USP30: variants seen among roughly 807,000 people sequenced by gnomAD.
USP30 encodes ubiquitin carboxyl-terminal hydrolase 30.
USP30 carries 41 observed loss-of-function variants against 68.2 expected under a neutral mutation model. The observed-to-expected ratio is 0.60, with a 90% confidence interval of 0.47 to 0.78. The LOEUF (loss-of-function observed/expected upper bound fraction) is 0.78. USP30 is among the 30% of genes least tolerant of loss of function. The probability of loss-of-function intolerance (pLI) is 0.00; values close to 1 mark genes in which losing one functional copy is unlikely to be tolerated. For synonymous variants in USP30, 229 were observed against 253.7 expected, an observed-to-expected ratio of 0.90 and a Z score of 0.93; for missense variants, 522 against 649.4, an observed-to-expected ratio of 0.80 and a Z score of 2.13.
chr12:109,064,335 G>T (rs889020612), intron 3 of USP30, among the ~76,000 whole-genome samples: 1 of 152,182 alleles, frequency 6.6e-6, no homozygotes, highest in Non-Finnish European at 1.5e-5. Context: ...TGCAATCTCA[G>T]CTCACTGCAA....
chr12:109,049,319 T>C (rs1447737303), upstream of USP30, among the ~76,000 whole-genome samples: 1 of 152,136 alleles, frequency 6.6e-6, no homozygotes, highest in African/African-American at 2.4e-5. Context: ...AAATTCAATA[T>C]TGTTGTGTCT....
chr12:109,056,175 T>TTTGTTG (rs138193365), intron 1 of USP30, among the ~76,000 whole-genome samples: 176 of 151,394 alleles, frequency 1.2e-3, no homozygotes, highest in African/African-American at 4.1e-3. Context: ...TGACTTAGTT[T>TTTGTTG]TTGTTGTTGT....
chr12:109,072,215 A>T, intron 5 of USP30, 90 bp from the exon 6 acceptor site: 1 of 1,162,332 alleles, frequency 8.6e-7, no homozygotes, highest in Non-Finnish European at 1.3e-6. Flanking sequence ...TAATCAACGT[A>T]GAAACTTGTA....
chr12:109,081,616 C>G (rs2041797199), intron 8 of USP30: 1 of 555,010 alleles, frequency 1.8e-6, no homozygotes, highest in Admixed American at 3.7e-5. Flanking sequence ...CACACGCACG[C>G]ATGCGCGCAC....
chr12:109,062,192 C>T (rs112003965), intron 3 of USP30, among the ~76,000 whole-genome samples: 9,074 of 152,244 alleles, frequency 0.06, 366 homozygotes, highest in East Asian at 0.14. Context: ...GCCTCAGCCT[C>T]CCGTAGTGCT....
At chr12:109,056,840 C>T in intron 2 of USP30, 49 bp downstream of exon 2, 4 of 1,343,810 alleles carry the variant, frequency 3.0e-6, no homozygotes, top group Non-Finnish European at 4.1e-6. Flanking sequence ...ACCCAGATCC[C>T]TGTTATCTGA....
At chr12:109,061,969 G>A (rs919550726) in intron 3 of USP30, among the ~76,000 whole-genome samples, 2 of 151,786 alleles carry the variant, frequency 1.3e-5, no homozygotes, top group Non-Finnish European at 2.9e-5. Flanking sequence ...TTGGAGACAG[G>A]GTCTCACCCA....
intron 3 of USP30, among the ~76,000 whole-genome samples, chr12:109,042,782 A>G (rs903737466): frequency 1.3e-5 from 2 of 152,196 alleles, no homozygotes; most frequent in African/African-American, 4.8e-5. Context: ...CATAAAAGGC[A>G]TCCAAATCAG....
At chr12:109,053,850 C>T in intron 1 of USP30, 1 of 323,228 alleles carries the variant, frequency 3.1e-6, no homozygotes, top group Middle Eastern at 4.1e-4. Flanking sequence ...TCTCTCCCAT[C>T]CCCTTGACAC....
chr12:109,085,603 G>T, intron 12 of USP30, 64 bp from the exon 13 acceptor site: 3 of 1,579,494 alleles, frequency 1.9e-6, no homozygotes, highest in Non-Finnish European at 1.7e-6. Flanking sequence ...GCATTCTTTT[G>T]TTTTTGCCTA....
upstream of USP30, among the ~76,000 whole-genome samples, chr12:109,048,489 T>C (rs1281562919): frequency 6.6e-6 from 1 of 151,762 alleles, no homozygotes; most frequent in Non-Finnish European, 1.5e-5. Context: ...GGGGGTCACT[T>C]GTGGGCAGTG....
At chr12:109,039,466 A>C (rs942772970) in intron 3 of USP30, among the ~76,000 whole-genome samples, 2 of 152,180 alleles carry the variant, frequency 1.3e-5, no homozygotes, top group Admixed American at 6.6e-5. Context: ...CATCTGTAAA[A>C]TGGCACTAAT....
chr12:109,055,969 C>T lies in USP30; in HGVS notation c.84-713C>T, dbSNP rs145654798. Among the ~76,000 whole-genome samples, 125 of 152,060 alleles carry T rather than the reference C, an allele frequency of 8.2e-4. No individual in the cohort carries two copies. In the South Asian group the frequency reaches 0.017, roughly 20 times the overall value. Reference sequence around the variant, plus strand: ...ATGTTCAGGTAGGCCTCTTGAGAAGCGAAGGGAGGTAAAGGAGTGAGCCAA... The same window carrying T: ...ATGTTCAGGTAGGCCTCTTGAGAAGTGAAGGGAGGTAAAGGAGTGAGCCAA... On this transcript the variant is annotated intron_variant, in intron 1 of 12. Coordinates refer to ENST00000257548, the MANE Select transcript of USP30 (RefSeq NM_032663.5).
intron 1 of USP30, chr12:109,024,654 C>T (rs2040431623): frequency 6.6e-6 from 1 of 152,032 alleles, no homozygotes; most frequent in African/African-American, 2.4e-5. Flanking sequence ...GAGTCTCGCT[C>T]TGTCTCCCAG....
At position 109,056,845 on chromosome 12, in the gene USP30, A is replaced by G. The variant is rs2040893035; in HGVS notation, c.193+54A>G. On this transcript the variant is annotated intron_variant, in intron 2 of 12. Transcript: ENST00000257548. ...TGTAGACTTGACCCAGATCCCTGTT[A>G]TCTGAAAACAGTACAAAGAAGGTGG... is the stretch of plus-strand genomic sequence containing the variant. 3 of 1,291,162 alleles carry G rather than the reference A, an allele frequency of 2.3e-6. No homozygotes were observed. In the East Asian group the frequency reaches 7.4e-5, roughly 32 times the overall value. 80.0% of individuals were successfully genotyped at this position (1,291,162 alleles called of 1,614,324 possible).
At chr12:109,037,494 T>A (rs1406321781) in intron 3 of USP30, among the ~76,000 whole-genome samples, 1 of 152,224 alleles carries the variant, frequency 6.6e-6, no homozygotes. Context: ...GTCATTATTT[T>A]TTATTGAATG....
intron 3 of USP30, among the ~76,000 whole-genome samples, chr12:109,067,077 C>T (rs1332567496): frequency 6.6e-6 from 1 of 151,002 alleles, no homozygotes; most frequent in African/African-American, 2.4e-5. Context: ...TGAAAAATAC[C>T]TAATTCTAAG....
At chr12:109,065,544 T>A (rs2041220565) in intron 3 of USP30, among the ~76,000 whole-genome samples, 1 of 152,252 alleles carries the variant, frequency 6.6e-6, no homozygotes, top group Admixed American at 6.5e-5. Flanking sequence ...GGATCATTTA[T>A]ATGACAAAAA....
chr12:109,045,823 A>C (rs140114893), intron 3 of USP30, among the ~76,000 whole-genome samples: 1 of 152,160 alleles, frequency 6.6e-6, no homozygotes, highest in Admixed American at 6.5e-5. Flanking sequence ...ACGCGTGTGT[A>C]TGTGTGTGTA....
Sources: allele counts gnomAD v4.1 joint callset (sites outside exome capture counted in the v4.1 genomes callset), GRCh38; gene constraint gnomAD v4.1.1; transcripts MANE v1.5; gene names NCBI Gene and HGNC (gene_info 2026-07-23, HGNC 2026-07-21).